UGT1A10: variants seen among roughly 807,000 people sequenced by gnomAD.
UGT1A10 encodes UDP-glucuronosyltransferase 1A10.
A neutral mutation model predicts 45.8 loss-of-function variants in UGT1A10; 49 were observed. The ratio of observed to expected loss-of-function variants is 1.07; its 90% CI spans 0.85 to 1.36. UGT1A10 has a LOEUF of 1.36. Ranked by LOEUF, UGT1A10 falls within the 40% of genes most tolerant of loss-of-function variation. The probability of loss-of-function intolerance (pLI) is 0.00; values close to 1 mark genes in which losing one functional copy is unlikely to be tolerated. For missense variants in UGT1A10, 745 were observed against 668.6 expected, an observed-to-expected ratio of 1.11 and a Z score of -1.26; for synonymous variants, 284 against 249.7, an observed-to-expected ratio of 1.14 and a Z score of -1.29.
chr2:233,765,533 A>G (rs1474506324), intron 1 of UGT1A10, among the ~76,000 whole-genome samples: 2 of 151,964 alleles, frequency 1.3e-5, no homozygotes, highest in African/African-American at 4.8e-5. Flanking sequence ...GCATGTTCTC[A>G]CTCATAAGTG....
chr2:233,729,641 T>C (rs2077899258), intron 1 of UGT1A10: 1 of 1,613,944 alleles, frequency 6.2e-7, no homozygotes, highest in Non-Finnish European at 8.5e-7. Flanking sequence ...ACTGTGTTTT[T>C]TTTGAGGAAC....
chr2:233,761,268 C>T lies in UGT1A10; in HGVS notation c.856-5766C>T, dbSNP rs991345874. 11 of 1,592,332 alleles carry T rather than the reference C, an allele frequency of 6.9e-6. No homozygotes were observed. In the African/African-American group the frequency reaches 1.5e-4, roughly 21 times the overall value. On this transcript the variant is annotated intron_variant, in intron 1 of 4. Coordinates refer to ENST00000344644, the MANE Select transcript of UGT1A10 (RefSeq NM_019075.4). ...GCATTCTGAGATAATTTAAAATGCC[C>T]TCTTTTGTTAATTTTTGACTCCTAG...
At chr2:233,658,927 T>C (rs2073910470) in intron 1 of UGT1A10, among the ~76,000 whole-genome samples, 1 of 152,244 alleles carries the variant, frequency 6.6e-6, no homozygotes, top group African/African-American at 2.4e-5. Flanking sequence ...CTATTGTAGG[T>C]TTTCTACATT....
intron 1 of UGT1A10, among the ~76,000 whole-genome samples, chr2:233,716,389 A>C (rs1313354106): frequency 6.6e-6 from 1 of 152,190 alleles, no homozygotes; most frequent in East Asian, 1.9e-4. Flanking sequence ...TACCACAGAC[A>C]CTAAGCTTAA....
intron 1 of UGT1A10, among the ~76,000 whole-genome samples, chr2:233,731,393 G>C (rs558248956): frequency 2.0e-5 from 3 of 151,372 alleles, no homozygotes; most frequent in Admixed American, 1.3e-4. Flanking sequence ...CCACCAACTC[G>C]TCATTTACAT....
chr2:233,661,507 G>T (rs1327818002), intron 1 of UGT1A10, among the ~76,000 whole-genome samples: 1 of 151,844 alleles, frequency 6.6e-6, no homozygotes, highest in Non-Finnish European at 1.5e-5. Context: ...TTCTACCTTG[G>T]CAGTGGAGTC....
chr2:233,737,663 G>T (rs918279158), intron 1 of UGT1A10, among the ~76,000 whole-genome samples: 2 of 152,176 alleles, frequency 1.3e-5, no homozygotes, highest in African/African-American at 2.4e-5. Context: ...GCTGCAGATC[G>T]GAGCTGTTCC....
chr2:233,767,582 C>A (rs1315665394), intron 2 of UGT1A10, among the ~76,000 whole-genome samples: 1 of 152,138 alleles, frequency 6.6e-6, no homozygotes, highest in Non-Finnish European at 1.5e-5. Context: ...CAAACTTTCC[C>A]TTAAAGTGCA....
intron 1 of UGT1A10, among the ~76,000 whole-genome samples, chr2:233,697,004 C>T (rs761877638): frequency 1.3e-5 from 2 of 151,910 alleles, no homozygotes; most frequent in Non-Finnish European, 2.9e-5. Flanking sequence ...ATTTTTGCAT[C>T]TATGTTCGTC....
chr2:233,666,850 C>T (rs1193820595), intron 1 of UGT1A10, among the ~76,000 whole-genome samples: 1 of 148,848 alleles, frequency 6.7e-6, no homozygotes, highest in African/African-American at 2.5e-5. Context: ...CTTCCTGTGT[C>T]CATGTGTTCT....
chr2:233,713,263 G>T, intron 1 of UGT1A10: 1 of 1,614,196 alleles, frequency 6.2e-7, no homozygotes, highest in Non-Finnish European at 8.5e-7. Context: ...GAATTTGATC[G>T]CCTTTTGCTG....
intron 1 of UGT1A10, among the ~76,000 whole-genome samples, chr2:233,655,617 A>T (rs951376860): frequency 6.6e-6 from 1 of 152,166 alleles, no homozygotes; most frequent in Non-Finnish European, 1.5e-5. Context: ...GTGTTTCGCC[A>T]AAAGAGTTTC....
chr2:233,661,623 T>TTTTCTTTCCTTCTTTCTTTC (rs1553602618), intron 1 of UGT1A10, among the ~76,000 whole-genome samples: 50 of 124,046 alleles, frequency 4.0e-4, no homozygotes, highest in African/African-American at 1.5e-3. Context: ...ACTTACTGAA[T>TTTTCTTTCCTTCTTTCTTTC]TTTCTTTCTT....
intron 1 of UGT1A10, among the ~76,000 whole-genome samples, chr2:233,647,254 G>A (rs2073629541): frequency 6.6e-6 from 1 of 152,112 alleles, no homozygotes; most frequent in Non-Finnish European, 1.5e-5. Context: ...GCTTTGGGTG[G>A]GGACACAGCC....
intron 1 of UGT1A10, among the ~76,000 whole-genome samples, chr2:233,714,723 TAA>T (rs2076408415): frequency 6.6e-6 from 1 of 152,238 alleles, no homozygotes; most frequent in South Asian, 2.1e-4. Flanking sequence ...TTTTTGTTGT[TAA>T]GTCTTCAAAA....
In UGT1A10 at chr2:233,637,090, G is replaced by A. The variant is rs758915568; in HGVS notation, c.568G>A (p.Val190Ile). ...GAQCPAPLSY[V>I]PNDLLGFSDA... Reference sequence around the variant, plus strand: ...ACAGTGCCCTGCTCCTCTTTCCTATGTCCCCAATGATCTCTTAGGGTTCTC... The same window carrying A: ...ACAGTGCCCTGCTCCTCTTTCCTATATCCCCAATGATCTCTTAGGGTTCTC... The change falls in exon 1 of 5, where the codon GTC becomes ATC. Residue 190 changes from valine (V) to isoleucine (I), a missense_variant. Val to Ile is a conservative substitution (Grantham distance 29). Transcript: ENST00000344644. The A allele has an allele frequency of 6.2e-6, 10 of 1,613,902 alleles. No homozygotes were observed. The highest frequency in any genetic ancestry group is 5.1e-6 in the Non-Finnish European group (6 of 1,179,868).
At chr2:233,651,318 C>T (rs370088964) in intron 1 of UGT1A10, among the ~76,000 whole-genome samples, 1 of 151,944 alleles carries the variant, frequency 6.6e-6, no homozygotes, top group African/African-American at 2.4e-5. Flanking sequence ...TTCCGAGATA[C>T]GGAAAGCTAT....
chr2:233,665,824 T>G (rs1001453954), intron 1 of UGT1A10, among the ~76,000 whole-genome samples: 2 of 152,196 alleles, frequency 1.3e-5, no homozygotes, highest in African/African-American at 4.8e-5. Context: ...TTGTGATCTA[T>G]GGTAGGTGTA....
intron 1 of UGT1A10, chr2:233,756,082 A>G (rs549873303): frequency 1.3e-5 from 2 of 152,358 alleles, no homozygotes; most frequent in African/African-American, 4.8e-5. Flanking sequence ...CAATGAGAAA[A>G]TCAAGTAACA....
Sources: allele counts gnomAD v4.1 joint callset (sites outside exome capture counted in the v4.1 genomes callset), GRCh38; gene constraint gnomAD v4.1.1; transcripts MANE v1.5; gene names NCBI Gene and HGNC (gene_info 2026-07-23, HGNC 2026-07-21).